Variants in MRPS27 observed in about 807,000 individuals in gnomAD.
MRPS27 encodes the protein mitochondrial ribosomal protein S27.
Under a neutral mutation model 48.9 loss-of-function variants are expected in MRPS27, and 43 were observed. The observed-to-expected ratio is 0.88, with a 90% CI of 0.69 to 1.13. MRPS27 has a LOEUF of 1.13. Among genes scored for constraint, MRPS27 ranks in the 50% most tolerant of loss-of-function variants. MRPS27 has a pLI of 0.00. For missense variants in MRPS27, 467 were observed against 476.3 expected, an observed-to-expected ratio of 0.98 and a Z score of 0.18; for synonymous variants, 188 against 171.9, an observed-to-expected ratio of 1.09 and a Z score of -0.73.
Position 72,242,665 on chromosome 5 carries a change from T to TACACACACACACACACAC in MRPS27, c.282-4555_282-4538dup, listed in dbSNP as rs57589095. On this transcript the variant is annotated intron_variant, in intron 4 of 10. Transcript: ENST00000261413. ...CTAGGCAACACAGCGAGACCCCGTC[T>TACACACACACACACACAC]ACACACACACACACACACACACACA... is the stretch of plus-strand genomic sequence containing the variant. Among the ~76,000 whole-genome samples, 1,017 of 134,248 alleles carry TACACACACACACACACAC rather than the reference T, an allele frequency of 7.6e-3. 10 individuals are homozygous for TACACACACACACACACAC. Among genetic ancestry groups the TACACACACACACACACAC allele is most frequent in the South Asian group, 0.014 (52 of 3,776 alleles). 88.1% of individuals were successfully genotyped at this position (134,248 alleles called of 152,430 possible).
At chr5:72,264,374 T>G (rs1348502518) in intron 4 of MRPS27, among the ~76,000 whole-genome samples, 1 of 152,142 alleles carries the variant, frequency 6.6e-6, no homozygotes, top group Non-Finnish European at 1.5e-5. Flanking sequence ...TATGGTTAAT[T>G]TACTGAATTA....
In MRPS27 at chr5:72,225,952, CAT is replaced by C. The variant is rs1215143163; in HGVS notation, c.837+103_837+104del. 2.3e-6 allele frequency: 3 copies of C among 1,296,922 alleles called. No individual in the cohort carries two copies. The African/African-American group carries it at 4.4e-5, about 19-fold the overall frequency. The allele number at this position is 1,296,922 out of a possible 1,614,324, so 80.3% of individuals were successfully genotyped here. ...ACTTGATAAATACCTATTCTATAGA[CAT>C]ATAGAAAGTAGGGGTAGTGGAAAGA... On this transcript the variant is annotated intron_variant, in intron 9 of 10. Coordinates refer to ENST00000261413, the MANE Select transcript of MRPS27 (RefSeq NM_015084.3).
Position 72,239,870 on chromosome 5 carries a change from C to T in MRPS27, c.282-1742G>A, listed in dbSNP as rs143834852. 5.3e-4 allele frequency among the ~76,000 whole-genome samples: 81 copies of T among 152,220 alleles called. No individual in the cohort carries two copies. The East Asian group carries it at 0.012, about 23-fold the overall frequency. On this transcript the variant is annotated intron_variant, in intron 4 of 10. Coordinates refer to ENST00000261413, the MANE Select transcript of MRPS27 (RefSeq NM_015084.3). ...TATTTTTTGTAGAAACAGGATCTCG[C>T]TGTGTTGCCCAGGCAACATTTTCAA... is the stretch of plus-strand genomic sequence containing the variant.
intron 4 of MRPS27, among the ~76,000 whole-genome samples, chr5:72,252,978 A>C (rs112942606): frequency 0.016 from 2,407 of 152,268 alleles, 37 homozygotes; most frequent in Non-Finnish European, 0.026. Context: ...GAAAGAAAAC[A>C]ACCACTCCTC....
intron 4 of MRPS27, among the ~76,000 whole-genome samples, chr5:72,273,636 T>G (rs540196068): frequency 6.6e-6 from 1 of 152,160 alleles, no homozygotes; most frequent in African/African-American, 2.4e-5. Context: ...TATCTAAACA[T>G]AGAAAAGGTA....
At chr5:72,223,249 GC>G (rs1246116892) in intron 10 of MRPS27, among the ~76,000 whole-genome samples, 1 of 152,198 alleles carries the variant, frequency 6.6e-6, no homozygotes, top group East Asian at 1.9e-4. Flanking sequence ...AAAGAAAGAT[GC>G]CCACGTCTTA....
intron 4 of MRPS27, among the ~76,000 whole-genome samples, chr5:72,294,310 C>T (rs1749920463): frequency 6.6e-6 from 1 of 151,818 alleles, no homozygotes; most frequent in Non-Finnish European, 1.5e-5. Flanking sequence ...CAAAAAACCC[C>T]CCAAAACAAC....
chr5:72,279,295 C>A (rs1383085709), intron 4 of MRPS27, among the ~76,000 whole-genome samples: 1 of 152,164 alleles, frequency 6.6e-6, no homozygotes, highest in Non-Finnish European at 1.5e-5. Context: ...ACTGCTGGTT[C>A]ATATTCTCTA....
At chr5:72,283,806 T>C (rs73127282) in intron 4 of MRPS27, among the ~76,000 whole-genome samples, 184 of 152,186 alleles carry the variant, frequency 1.2e-3, no homozygotes, top group African/African-American at 4.3e-3. Context: ...ACTTCTATCA[T>C]GTACAAGCCA....
chr5:72,314,297 TATC>T lies in MRPS27; in HGVS notation c.74-142_74-140del. 6.0e-6 allele frequency: 3 copies of T among 498,684 alleles called. No homozygotes were observed. The South Asian group carries it at 1.4e-4, about 23-fold the overall frequency. 30.9% of individuals were successfully genotyped at this position (498,684 alleles called of 1,614,324 possible). A position where few individuals can be genotyped will look rare whatever the true frequency, so the allele number is the denominator to read the frequency against. Reference sequence around the variant, plus strand: ...TAATCTAATACAGTACAGCAACCAATATCGCATAGTTGACAATTCAGTGAAGAA... The same window carrying T: ...TAATCTAATACAGTACAGCAACCAATGCATAGTTGACAATTCAGTGAAGAA... On this transcript the variant is annotated intron_variant, in intron 1 of 10. Coordinates refer to ENST00000261413, the MANE Select transcript of MRPS27 (RefSeq NM_015084.3).
Position 72,232,533 on chromosome 5 carries a change from G to T in MRPS27, c.501C>A (p.Val167=), listed in dbSNP as rs1402506138. 1.2e-6 allele frequency: 2 copies of T among 1,612,058 alleles called. No homozygotes were observed. The highest frequency in any genetic ancestry group is 1.7e-5 in the Admixed American group (1 of 59,872). The change falls in exon 7 of 11, where the codon GTC becomes GTA. Residue 167 remains valine, a synonymous_variant. Coordinates refer to ENST00000261413, the MANE Select transcript of MRPS27 (RefSeq NM_015084.3). ...YKDALSVVFE[V]MMQEAFEVPS... Reference sequence around the variant, plus strand: ...GCACTTCAAAGGCTTCTTGCATCATGACCTCAAAAACCACAGATAAAGCAT... The same window carrying T: ...GCACTTCAAAGGCTTCTTGCATCATTACCTCAAAAACCACAGATAAAGCAT...
chr5:72,255,029 CTTTTTTTTT>C (rs70999273), intron 4 of MRPS27, among the ~76,000 whole-genome samples: 22 of 72,098 alleles, frequency 3.1e-4, no homozygotes, highest in South Asian at 5.2e-4. Flanking sequence ...CATTTCTTTT[CTTTTTTTTT>C]TTTTTTTTTT....
intron 4 of MRPS27, among the ~76,000 whole-genome samples, chr5:72,266,470 T>C (rs974400900): frequency 6.6e-6 from 1 of 152,238 alleles, no homozygotes; most frequent in African/African-American, 2.4e-5. Context: ...TGCTTTTTCA[T>C]GCTCTACGTA....
chr5:72,242,237 T>G (rs1250970238), intron 4 of MRPS27, among the ~76,000 whole-genome samples: 2 of 152,070 alleles, frequency 1.3e-5, no homozygotes, highest in Non-Finnish European at 2.9e-5. Flanking sequence ...AAGCATCCTA[T>G]TCTCAAAACT....
At chr5:72,317,100 A>T (rs1750585490) in intron 1 of MRPS27, among the ~76,000 whole-genome samples, 1 of 152,016 alleles carries the variant, frequency 6.6e-6, no homozygotes, top group Non-Finnish European at 1.5e-5. Flanking sequence ...CAAAAGCCCA[A>T]CACAACTAGA....
intron 1 of MRPS27, chr5:72,319,907 G>A: frequency 1.9e-6 from 1 of 523,772 alleles, no homozygotes; most frequent in Admixed American, 3.5e-5. Flanking sequence ...CGAATCATAC[G>A]CAAATTCCCT....
At chr5:72,316,145 A>C (rs1750558582) in intron 1 of MRPS27, among the ~76,000 whole-genome samples, 1 of 152,248 alleles carries the variant, frequency 6.6e-6, no homozygotes. Context: ...ATTCCATTAT[A>C]TGAGCAATCC....
chr5:72,302,688 C>A (rs979677227), intron 2 of MRPS27, among the ~76,000 whole-genome samples: 1 of 152,178 alleles, frequency 6.6e-6, no homozygotes, highest in Non-Finnish European at 1.5e-5. Context: ...GAGGAGCAGT[C>A]CCTTTGAGGG....
chr5:72,223,021 T>C (rs1361676438), intron 10 of MRPS27, among the ~76,000 whole-genome samples: 1 of 152,228 alleles, frequency 6.6e-6, no homozygotes, highest in South Asian at 2.1e-4. Context: ...TTTTCCCCCT[T>C]TGCACTAGAC....
Sources: gnomAD v4.1 joint callset for allele counts (sites outside exome capture counted in the v4.1 genomes callset) on GRCh38, gnomAD v4.1.1 for gene constraint, MANE v1.5 for transcripts, NCBI Gene and HGNC (gene_info 2026-07-23, HGNC 2026-07-21) for gene names.